Variants in NEURL1B observed in about 807,000 individuals in gnomAD.
NEURL1B encodes neuralized E3 ubiquitin protein ligase 1B.
A neutral mutation model predicts 37.4 loss-of-function variants in NEURL1B; 13 were observed. The observed-to-expected ratio is 0.35, with a 90% CI of 0.23 to 0.55. The LOEUF is 0.55. NEURL1B is among the 20% of genes least tolerant of loss of function. The pLI, the probability that NEURL1B is intolerant of heterozygous loss-of-function variation, is 0.89. For missense variants in NEURL1B, 790 were observed against 879.2 expected (o/e 0.90, Z 1.28); for synonymous variants, 432 against 426.6 (o/e 1.01, Z -0.16).
At chr5:172,649,855 G>A (rs967600666) in intron 1 of NEURL1B, among the ~76,000 whole-genome samples, 3 of 152,102 alleles carry the variant, frequency 2.0e-5, no homozygotes, top group Non-Finnish European at 4.4e-5. Context: ...GCAGAGTTTG[G>A]GACAGCCATC....
In NEURL1B at chr5:172,687,298, TGA is replaced by T. The variant is rs147474603; in HGVS notation, c.*390_*391del. On this transcript the variant is annotated 3_prime_UTR_variant, in exon 5 of 5. Transcript: ENST00000369800. Reference sequence around the variant, plus strand: ...AGGGAGAACAGAGAGAATGTGTGTGTGAGAGAGAGAGAGAGAGAATGAACGTG... The same window carrying T: ...AGGGAGAACAGAGAGAATGTGTGTGTGAGAGAGAGAGAGAGAATGAACGTG... 512 of 190,462 alleles carry T rather than the reference TGA, an allele frequency of 2.7e-3. No individual in the cohort carries two copies. The highest frequency in any genetic ancestry group is 7.0e-3 in the Admixed American group (126 of 17,930). The allele number at this position is 190,462 out of a possible 1,614,324, so 11.8% of individuals were successfully genotyped here. A position where few individuals can be genotyped will look rare whatever the true frequency, so the allele number is the denominator to read the frequency against.
chr5:172,663,659 A>G (rs1024977853), intron 1 of NEURL1B, among the ~76,000 whole-genome samples: 2 of 151,542 alleles, frequency 1.3e-5, no homozygotes, highest in African/African-American at 4.8e-5. Context: ...ACTTCTTCTT[A>G]GAGTCCCTGG....
At chr5:172,656,441 G>T (rs1757779293) in intron 1 of NEURL1B, 2 of 1,138,948 alleles carry the variant, frequency 1.8e-6, no homozygotes, top group East Asian at 2.5e-5. Context: ...CGTGGCAAAA[G>T]ATGTTATGGC....
At chr5:172,670,457 T>C in intron 2 of NEURL1B, 127 bp downstream of exon 2, 1 of 699,964 alleles carries the variant, frequency 1.4e-6, no homozygotes, top group Non-Finnish European at 2.0e-6. Flanking sequence ...CTAAGCGCTT[T>C]ACGCCTTTTA....
chr5:172,670,698 CTCAT>C (rs953796548), intron 2 of NEURL1B, among the ~76,000 whole-genome samples: 23 of 152,296 alleles, frequency 1.5e-4, no homozygotes, highest in Admixed American at 7.2e-4. Context: ...AGTTTATTTG[CTCAT>C]TCATTCATTC....
At chr5:172,643,903 C>T (rs1408990844) in intron 1 of NEURL1B, among the ~76,000 whole-genome samples, 2 of 152,064 alleles carry the variant, frequency 1.3e-5, no homozygotes, top group Non-Finnish European at 2.9e-5. Flanking sequence ...TTCTGCACTT[C>T]CTGATCCCTC....
chr5:172,666,641 A>T (rs1239518363), intron 1 of NEURL1B, among the ~76,000 whole-genome samples: 1 of 152,164 alleles, frequency 6.6e-6, no homozygotes. Flanking sequence ...CCAGAAAAAG[A>T]GGGATGGATA....
chr5:172,684,966 C>T (rs745363969), intron 3 of NEURL1B, among the ~76,000 whole-genome samples: 61 of 152,282 alleles, frequency 4.0e-4, no homozygotes, highest in Non-Finnish European at 7.2e-4. Context: ...TCATATGTTC[C>T]CTCATTGAAT....
chr5:172,656,733 C>G (rs1757786769), intron 1 of NEURL1B: 1 of 990,094 alleles, frequency 1.0e-6, no homozygotes, highest in Admixed American at 1.9e-5. Flanking sequence ...CGCCGCTTCC[C>G]CAGAAGTTAA....
At chr5:172,685,653 C>T (rs1262893378) in intron 3 of NEURL1B, among the ~76,000 whole-genome samples, 1 of 152,230 alleles carries the variant, frequency 6.6e-6, no homozygotes, top group Non-Finnish European at 1.5e-5. Context: ...GGAAGGATAT[C>T]AGCAGGATCC....
chr5:172,683,492 C>A lies in NEURL1B; in HGVS notation c.651C>A (p.Ser217Arg). The change falls in exon 3 of 5, where the codon AGC (serine) becomes AGA (arginine). Residue 217 changes from serine to arginine, a missense_variant. Coordinates refer to ENST00000369800, the MANE Select transcript of NEURL1B (RefSeq NM_001142651.3). The surrounding 1 kb of genome is among the most constrained non-coding windows in gnomAD (Gnocchi z 5.6). ...QARFSACLPP[S>R]SHDAANFDNN... ...GCTTCAGCGCCTGCCTGCCGCCCAG[C>A]AGCCACGACGCGGCCAACTTCGACA... 6.7e-7 allele frequency: 1 copy of A among 1,500,148 alleles called. No individual in the cohort carries two copies. Among genetic ancestry groups the A allele is most frequent in the Non-Finnish European group, 8.9e-7 (1 of 1,129,922 alleles). The allele number at this position is 1,500,148 out of a possible 1,614,324, so 92.9% of individuals were successfully genotyped here.
rs138220033 is a variant in NEURL1B, at chr5:172,663,829, T to TTTTTTTTTATTATTA, written c.32-5954_32-5953insTTTTTTATTATTATT. Among the ~76,000 whole-genome samples the TTTTTTTTTATTATTA allele has an allele frequency of 8.9e-4, 126 of 140,846 alleles. 1 individual carries two copies. The South Asian group carries it at 0.011, about 12-fold the overall frequency. The allele number at this position is 140,846 out of a possible 152,430, so 92.4% of individuals were successfully genotyped here. On this transcript the variant is annotated intron_variant, in intron 1 of 4. Coordinates refer to ENST00000369800, the MANE Select transcript of NEURL1B (RefSeq NM_001142651.3). ...TTCCTGGCAAAAGAGGTTTTATTTG[T>TTTTTTTTTATTATTA]TTATTATTATTATTATTATTATTAT... is the stretch of plus-strand genomic sequence containing the variant.
At position 172,683,978 on chromosome 5, in the gene NEURL1B, C is replaced by T. The variant is rs1455849031; in HGVS notation, c.1137C>T (p.Ser379=). The T allele has an allele frequency of 4.6e-6, 6 of 1,316,236 alleles. No homozygotes were observed. In the African/African-American group the frequency reaches 6.2e-5, roughly 14 times the overall value. 81.5% of individuals were successfully genotyped at this position (1,316,236 alleles called of 1,614,324 possible). A position where few individuals can be genotyped will look rare whatever the true frequency, so the allele number is the denominator to read the frequency against. ...TGGCGCGCGCCGGGCCCGTGCCGAG[C>T]GGCGGCGACGCGCTCAGCTTCACGC... ...WVVARAGPVP[S]GGDALSFTLR... is the part of the protein sequence containing the mutation. The change falls in exon 3 of 5, where the codon AGC becomes AGT. Residue 379 remains serine, a synonymous_variant. Transcript: ENST00000369800. This position sits in a 1 kb window ranked among gnomAD's most constrained non-coding sequence, Gnocchi z 5.6.
At chr5:172,651,922 T>C (rs1249439438) in intron 1 of NEURL1B, among the ~76,000 whole-genome samples, 2 of 152,180 alleles carry the variant, frequency 1.3e-5, no homozygotes, top group African/African-American at 4.8e-5. Flanking sequence ...GTTGATGAAA[T>C]GCCAGGGTGA....
chr5:172,655,211 G>A (rs1757746453), intron 1 of NEURL1B, among the ~76,000 whole-genome samples: 1 of 152,076 alleles, frequency 6.6e-6, no homozygotes, highest in Non-Finnish European at 1.5e-5. Context: ...TCAAACCAGG[G>A]ATGTCTCGCC....
intron 2 of NEURL1B, among the ~76,000 whole-genome samples, chr5:172,671,567 G>A (rs1162014005): frequency 6.6e-6 from 1 of 152,180 alleles, no homozygotes; most frequent in African/African-American, 2.4e-5. Flanking sequence ...TTTATCCATT[G>A]GTATCTGGCT....
At chr5:172,678,623 A>G (rs1368344587) in intron 2 of NEURL1B, among the ~76,000 whole-genome samples, 1 of 150,656 alleles carries the variant, frequency 6.6e-6, no homozygotes, top group Admixed American at 6.6e-5. Flanking sequence ...ATTGGCAGTA[A>G]GTGACACCAC....
chr5:172,685,478 G>A (rs913006034), intron 3 of NEURL1B, among the ~76,000 whole-genome samples: 35 of 152,196 alleles, frequency 2.3e-4, no homozygotes, highest in African/African-American at 7.0e-4. Flanking sequence ...AGCTGTTATT[G>A]TCTGAACCAA....
rs137939646 is a variant in NEURL1B, at chr5:172,651,449, G to T, written c.31+10012G>T. 3.5e-3 allele frequency among the ~76,000 whole-genome samples: 532 copies of T among 152,234 alleles called. 2 individuals carry two copies. Among genetic ancestry groups the T allele is most frequent in the African/African-American group, 0.012 (498 of 41,538 alleles). The stretch of plus-strand genomic sequence containing the variant: ...ACTTTTTTAGCCATCCTATAAAGGG[G>T]TCATTTACCCGAGTTGCTGGCTAAC... On this transcript the variant is annotated intron_variant, in intron 1 of 4. Coordinates refer to ENST00000369800, the MANE Select transcript of NEURL1B (RefSeq NM_001142651.3).
Sources: allele counts gnomAD v4.1 joint callset (sites outside exome capture counted in the v4.1 genomes callset), GRCh38; gene constraint gnomAD v4.1.1; non-coding constraint Gnocchi (gnomAD v3.1); transcripts MANE v1.5; gene names NCBI Gene and HGNC (gene_info 2026-07-23, HGNC 2026-07-21).